Variants in UBAC2 observed in about 807,000 individuals in gnomAD.
UBAC2 encodes the protein UBA domain containing 2, also known as ubiquitin-associated domain-containing protein 2.
In UBAC2, 26 loss-of-function variants were observed where a neutral mutation model predicts 44.0. That is an observed-to-expected ratio of 0.59 (90% CI 0.43 to 0.82). The LOEUF is 0.82. Ranked by LOEUF, UBAC2 falls within the 40% of genes least tolerant of loss-of-function variation. The pLI, the probability that UBAC2 is intolerant of heterozygous loss-of-function variation, is 0.00. For synonymous variants in UBAC2, 155 were observed against 154.3 expected, an observed-to-expected ratio of 1.00 and a Z score of -0.04; for missense variants, 329 against 419.4, an observed-to-expected ratio of 0.78 and a Z score of 1.88.
rs1323751275 is a variant in UBAC2, at chr13:99,220,799, A to G, written c.32-17628A>G. 3.3e-5 allele frequency among the ~76,000 whole-genome samples: 5 copies of G among 152,230 alleles called. No individual in the cohort carries two copies. In the South Asian group the frequency reaches 1.0e-3, roughly 32 times the overall value. ...CTAGTGACTTGCCCCATCTCAGTGC[A>G]TAAGGATTCACCATATGGATCTTTT... On this transcript the variant is annotated intron_variant, in intron 1 of 8. Transcript: ENST00000403766.
chr13:99,240,769 C>G (rs2043290408), intron 2 of UBAC2, among the ~76,000 whole-genome samples: 5 of 152,208 alleles, frequency 3.3e-5, no homozygotes. Flanking sequence ...TTCAGCTGGG[C>G]TGGCAGGTGA....
intron 4 of UBAC2, among the ~76,000 whole-genome samples, chr13:99,287,023 G>C (rs2044027063): frequency 6.6e-6 from 1 of 152,070 alleles, no homozygotes; most frequent in African/African-American, 2.4e-5. Context: ...ATTTATTACA[G>C]AAATTTTCAA....
chr13:99,343,176 A>C (rs1008121841), intron 7 of UBAC2, among the ~76,000 whole-genome samples: 1 of 152,172 alleles, frequency 6.6e-6, no homozygotes, highest in Non-Finnish European at 1.5e-5. Flanking sequence ...CTGTCGGCCC[A>C]CCTGGCTTGG....
At chr13:99,287,314 T>C (rs986460478) in intron 4 of UBAC2, among the ~76,000 whole-genome samples, 2 of 152,130 alleles carry the variant, frequency 1.3e-5, no homozygotes, top group Non-Finnish European at 2.9e-5. Context: ...AGGTTTCAAG[T>C]AGAGCTCATA....
rs144367897 is a variant in UBAC2 at position 99,288,357 on chromosome 13, G to A, written c.390-25740G>A. On this transcript the variant is annotated intron_variant, in intron 4 of 8. Coordinates refer to ENST00000403766, the MANE Select transcript of UBAC2 (RefSeq NM_001144072.2). ...CTCTGGAGTGGTTTTCAGTTGAGTG[G>A]ACAGGATGTCTAAGAGCATTACTAA... Among the ~76,000 whole-genome samples, 735 of 152,320 alleles carry A rather than the reference G, an allele frequency of 4.8e-3. 2 individuals are homozygous for A. The highest frequency in any genetic ancestry group is 0.02 in the Middle Eastern group (6 of 294).
chr13:99,345,364 G>A (rs905247660), intron 7 of UBAC2, among the ~76,000 whole-genome samples: 1 of 152,050 alleles, frequency 6.6e-6, no homozygotes, highest in African/African-American at 2.4e-5. Flanking sequence ...TAAGATGGAC[G>A]GGGGAAAGGA....
intron 4 of UBAC2, among the ~76,000 whole-genome samples, chr13:99,247,613 A>G (rs982068910): frequency 2.0e-5 from 3 of 152,132 alleles, no homozygotes; most frequent in Non-Finnish European, 4.4e-5. Flanking sequence ...GAGGGAGAGC[A>G]TTAGGACAAA....
intron 4 of UBAC2, among the ~76,000 whole-genome samples, chr13:99,245,411 A>G (rs2043371010): frequency 6.6e-6 from 1 of 152,236 alleles, no homozygotes; most frequent in Non-Finnish European, 1.5e-5. Context: ...CTTTGTAGAC[A>G]ACCTGCCGTG....
chr13:99,267,760 A>T (rs1473644095), intron 4 of UBAC2, among the ~76,000 whole-genome samples: 1 of 152,232 alleles, frequency 6.6e-6, no homozygotes, highest in African/African-American at 2.4e-5. Context: ...AGTGATAAAA[A>T]ATACCAAAAT....
chr13:99,222,222 C>T (rs928059093), intron 1 of UBAC2, among the ~76,000 whole-genome samples: 2 of 152,066 alleles, frequency 1.3e-5, no homozygotes, highest in African/African-American at 2.4e-5. Context: ...GTAAAGAATG[C>T]CACAGAGTAA....
chr13:99,360,864 T>C (rs2045255808), intron 7 of UBAC2, among the ~76,000 whole-genome samples: 1 of 152,160 alleles, frequency 6.6e-6, no homozygotes, highest in Non-Finnish European at 1.5e-5. Context: ...GTATCTTGCC[T>C]TCCCCCGAGG....
chr13:99,282,929 A>T (rs2043973071), intron 4 of UBAC2, among the ~76,000 whole-genome samples: 2 of 152,158 alleles, frequency 1.3e-5, no homozygotes, highest in Admixed American at 6.5e-5. Flanking sequence ...CTTGAAATCT[A>T]ATGTGCTTTT....
intron 4 of UBAC2, among the ~76,000 whole-genome samples, chr13:99,279,784 A>G (rs138284467): frequency 9.8e-5 from 15 of 152,324 alleles, no homozygotes; most frequent in African/African-American, 3.4e-4. Context: ...AGAGAGTTCA[A>G]TGGGTTCCCT....
intron 1 of UBAC2, among the ~76,000 whole-genome samples, chr13:99,213,423 T>C (rs1252153212): frequency 6.6e-6 from 1 of 151,718 alleles, no homozygotes; most frequent in East Asian, 1.9e-4. Context: ...TGCAATGGTG[T>C]GATCTCGGCT....
chr13:99,250,546 A>C (rs2043445515), intron 4 of UBAC2, among the ~76,000 whole-genome samples: 1 of 150,782 alleles, frequency 6.6e-6, no homozygotes. Flanking sequence ...TGCTTTGGCT[A>C]TTTGGGGCTC....
intron 4 of UBAC2, among the ~76,000 whole-genome samples, chr13:99,246,698 G>A (rs573217679): frequency 6.6e-6 from 1 of 152,170 alleles, no homozygotes; most frequent in African/African-American, 2.4e-5. Flanking sequence ...TTTGAAGTTG[G>A]TGGGAATACT....
chr13:99,215,582 C>T (rs2042982801), intron 1 of UBAC2: 1 of 1,360,468 alleles, frequency 7.4e-7, no homozygotes, highest in African/African-American at 1.4e-5. Context: ...TGAGGTACTC[C>T]AGGATGGCTG....
At chr13:99,221,718 A>G (rs2043054063) in intron 1 of UBAC2, among the ~76,000 whole-genome samples, 1 of 152,058 alleles carries the variant, frequency 6.6e-6, no homozygotes, top group Admixed American at 6.6e-5. Context: ...ACACATTCAC[A>G]AGGCTTCTCG....
At chr13:99,265,449 T>G (rs2043730134) in intron 4 of UBAC2, among the ~76,000 whole-genome samples, 2 of 152,230 alleles carry the variant, frequency 1.3e-5, no homozygotes, top group African/African-American at 4.8e-5. Context: ...GGTGTAGGAT[T>G]TGCTCTTCTA....
Sources: allele counts gnomAD v4.1 joint callset (sites outside exome capture counted in the v4.1 genomes callset), GRCh38; gene constraint gnomAD v4.1.1; transcripts MANE v1.5; gene names NCBI Gene and HGNC (gene_info 2026-07-23, HGNC 2026-07-21).